Variants in LSAMP observed in about 807,000 individuals in gnomAD.
LSAMP encodes limbic system associated membrane protein, also known as limbic system-associated membrane protein.
A neutral mutation model predicts 38.6 loss-of-function variants in LSAMP; 7 were observed. That is an observed-to-expected ratio of 0.18 (90% CI 0.10 to 0.34). The LOEUF (loss-of-function observed/expected upper bound fraction) is 0.34. Among genes scored for constraint, LSAMP ranks in the 10% least tolerant of loss-of-function variants. The probability of loss-of-function intolerance (pLI) is 1.00; values close to 1 mark genes in which losing one functional copy is unlikely to be tolerated. For synonymous variants in LSAMP, 154 were observed against 166.8 expected, an observed-to-expected ratio of 0.92 and a Z score of 0.59; for missense variants, 313 against 420.0, an observed-to-expected ratio of 0.75 and a Z score of 2.23.
At chr3:116,060,343 G>A (rs1941571549) in intron 2 of LSAMP, among the ~76,000 whole-genome samples, 1 of 151,772 alleles carries the variant, frequency 6.6e-6, no homozygotes, top group Non-Finnish European at 1.5e-5. Flanking sequence ...CCAACTATTC[G>A]GTGAAATTTT....
At chr3:116,067,678 A>T (rs1366130715) in intron 2 of LSAMP, among the ~76,000 whole-genome samples, 1 of 152,130 alleles carries the variant, frequency 6.6e-6, no homozygotes, top group East Asian at 1.9e-4. Context: ...GTTAAAGAAC[A>T]TTATTTTAAG....
chr3:115,823,858 A>G (rs1021447804), intron 6 of LSAMP, among the ~76,000 whole-genome samples: 92 of 152,218 alleles, frequency 6.0e-4, no homozygotes, highest in African/African-American at 2.2e-3. Context: ...ATGTTATCAT[A>G]CAGGTTGATG....
At chr3:116,441,545 A>G (rs2049435007) in intron 1 of LSAMP, among the ~76,000 whole-genome samples, 4 of 152,206 alleles carry the variant, frequency 2.6e-5, no homozygotes, top group African/African-American at 2.4e-5. Flanking sequence ...AATACCCTCT[A>G]TTTCTGCTAT....
chr3:116,291,270 G>A (rs572631395), intron 1 of LSAMP, among the ~76,000 whole-genome samples: 4 of 152,270 alleles, frequency 2.6e-5, no homozygotes, highest in African/African-American at 7.2e-5. Flanking sequence ...TAGATTTTCT[G>A]GGAGTATAGC....
At chr3:116,236,636 A>C (rs1386953191) in intron 1 of LSAMP, among the ~76,000 whole-genome samples, 3 of 152,140 alleles carry the variant, frequency 2.0e-5, no homozygotes, top group Non-Finnish European at 2.9e-5. Flanking sequence ...AGAAGACAGC[A>C]AATGAGATTT....
At chr3:115,977,128 T>G (rs1344536312) in intron 3 of LSAMP, among the ~76,000 whole-genome samples, 1 of 152,060 alleles carries the variant, frequency 6.6e-6, no homozygotes, top group African/African-American at 2.4e-5. Flanking sequence ...GTGAGAAGAT[T>G]TAGAATGACC....
At chr3:115,962,182 T>C (rs963365868) in intron 3 of LSAMP, among the ~76,000 whole-genome samples, 1 of 152,206 alleles carries the variant, frequency 6.6e-6, no homozygotes, top group Non-Finnish European at 1.5e-5. Flanking sequence ...CCATTCAGTC[T>C]CGGCTAGAAA....
chr3:116,364,137 T>G (rs1253027705), intron 1 of LSAMP, among the ~76,000 whole-genome samples: 1 of 52,930 alleles, frequency 1.9e-5, no homozygotes, highest in Non-Finnish European at 3.2e-5. Flanking sequence ...CAAAATCTCC[T>G]TAAGCTGATA....
intron 3 of LSAMP, among the ~76,000 whole-genome samples, chr3:115,987,123 G>A (rs541260018): frequency 9.9e-5 from 15 of 152,244 alleles, no homozygotes; most frequent in African/African-American, 3.1e-4. Flanking sequence ...AGGTCAGAGC[G>A]CTGACTGCGA....
rs554822444 is a variant in LSAMP, at chr3:116,332,559, A to G, written c.155+112318T>C. 2.0e-5 allele frequency among the ~76,000 whole-genome samples: 3 copies of G among 152,328 alleles called. No homozygotes were observed. The South Asian group carries it at 6.2e-4, about 32-fold the overall frequency. On this transcript the variant is annotated intron_variant, in intron 1 of 6. Coordinates refer to ENST00000490035, the MANE Select transcript of LSAMP (RefSeq NM_002338.5). ...AAAATGAACTAAATGCAAAAGGAGA[A>G]TAATGCAGAAAATGAGGGACAAAAA...
intron 1 of LSAMP, among the ~76,000 whole-genome samples, chr3:116,344,124 G>A (rs1266933304): frequency 4.6e-5 from 7 of 152,072 alleles, no homozygotes; most frequent in Non-Finnish European, 1.0e-4. Context: ...GGAAGCACGT[G>A]AATAATGGCA....
At position 115,891,546 on chromosome 3, in the gene LSAMP, A is replaced by T. The variant is rs572800757; in HGVS notation, c.515-38929T>A. ...CACCATCAGTGCTGACACATGAGCA[A>T]TATGCTTATTGTTGAATGCCAATGA... is the stretch of plus-strand genomic sequence containing the variant. On this transcript the variant is annotated intron_variant, in intron 3 of 6. Coordinates refer to ENST00000490035, the MANE Select transcript of LSAMP (RefSeq NM_002338.5). Among the ~76,000 whole-genome samples the T allele has an allele frequency of 3.3e-5, 5 of 152,126 alleles. No homozygotes were observed. In the South Asian group the frequency reaches 6.2e-4, roughly 19 times the overall value.
At chr3:116,397,979 C>T (rs2048790812) in intron 1 of LSAMP, among the ~76,000 whole-genome samples, 1 of 151,634 alleles carries the variant, frequency 6.6e-6, no homozygotes, top group Non-Finnish European at 1.5e-5. Context: ...TTTTCTCATG[C>T]TGTCTTTTAT....
At chr3:116,369,987 A>G (rs1275138149) in intron 1 of LSAMP, 1 of 152,584 alleles carries the variant, frequency 6.6e-6, no homozygotes, top group East Asian at 1.9e-4. Flanking sequence ...AGAACTGTGG[A>G]AAAAAATTCT....
chr3:116,007,547 A>G (rs1003482048), intron 3 of LSAMP, among the ~76,000 whole-genome samples: 9 of 152,200 alleles, frequency 5.9e-5, no homozygotes, highest in African/African-American at 1.9e-4. Context: ...ATGTAGATAG[A>G]AAAAGACAAA....
chr3:116,306,888 C>T (rs1181538075), intron 1 of LSAMP, among the ~76,000 whole-genome samples: 9 of 151,920 alleles, frequency 5.9e-5, no homozygotes, highest in South Asian at 4.1e-4. Context: ...TCCCAAGAGT[C>T]GTCTGAGGCC....
intron 3 of LSAMP, among the ~76,000 whole-genome samples, chr3:115,937,069 G>A (rs1937727762): frequency 6.6e-6 from 1 of 152,064 alleles, no homozygotes; most frequent in Admixed American, 6.6e-5. Context: ...AGATTTATAT[G>A]TTGCATCGCA....
At chr3:115,984,076 G>GAA (rs11456243) in intron 3 of LSAMP, among the ~76,000 whole-genome samples, 8 of 150,990 alleles carry the variant, frequency 5.3e-5, no homozygotes, top group South Asian at 2.1e-4. Flanking sequence ...TACCAAGTTG[G>GAA]AAAAAAAAAT....
intron 3 of LSAMP, among the ~76,000 whole-genome samples, chr3:115,982,757 T>C (rs572187377): frequency 2.6e-5 from 4 of 152,228 alleles, no homozygotes; most frequent in African/African-American, 9.6e-5. Flanking sequence ...TTTATCTCCA[T>C]CACTGTCTCA....
Sources: gnomAD v4.1 joint callset for allele counts (sites outside exome capture counted in the v4.1 genomes callset) on GRCh38, gnomAD v4.1.1 for gene constraint, MANE v1.5 for transcripts, NCBI Gene and HGNC (gene_info 2026-07-23, HGNC 2026-07-21) for gene names.